Variants in MAPK4 observed in about 807,000 individuals in gnomAD.
MAPK4 encodes the protein Erk3-related.
Under a neutral mutation model 47.7 loss-of-function variants are expected in MAPK4, and 22 were observed. The observed-to-expected ratio is 0.46, with a 90% CI of 0.33 to 0.66. The LOEUF (loss-of-function observed/expected upper bound fraction) is 0.66, where lower values mean the gene tolerates loss of function less well. Among genes scored for constraint, MAPK4 ranks in the 30% least tolerant of loss-of-function variants. The pLI is 0.02. For missense variants in MAPK4, 736 were observed against 831.7 expected (o/e 0.88, Z 1.42); for synonymous variants, 390 against 365.7 (o/e 1.07, Z -0.76).
intron 1 of MAPK4, among the ~76,000 whole-genome samples, chr18:50,654,746 C>T (rs2043088873): frequency 6.6e-6 from 1 of 152,214 alleles, no homozygotes. Context: ...TGCCCGTGGC[C>T]ACCGGCTCCC....
At chr18:50,669,635 A>G (rs1907807393) in intron 2 of MAPK4, 1 of 152,222 alleles carries the variant, frequency 6.6e-6, no homozygotes, top group African/African-American at 2.4e-5. Flanking sequence ...ATTTACAGTA[A>G]AGCTAGCCCT....
chr18:50,715,042 A>C, intron 2 of MAPK4, 37 bp from the exon 3 acceptor site: 1 of 1,607,048 alleles, frequency 6.2e-7, no homozygotes, highest in Middle Eastern at 1.7e-4. Flanking sequence ...GTATCCAAAA[A>C]TGACTGATCA....
Position 50,730,518 on chromosome 18 carries a change from T to C in MAPK4, c.*664T>C, listed in dbSNP as rs3288. The stretch of plus-strand genomic sequence containing the variant: ...GTTTCTCCTAGTCACCAAGCATACT[T>C]TCCTGGCTCCCCAAGTACTTAAATG... On this transcript the variant is annotated 3_prime_UTR_variant, in exon 6 of 6. Transcript: ENST00000400384. 0.17 allele frequency: 26,138 copies of C among 152,614 alleles called. 2,368 individuals carry two copies. Among genetic ancestry groups the C allele is most frequent in the South Asian group, 0.23 (1,094 of 4,824 alleles). The allele number at this position is 152,614 out of a possible 1,614,324, so 9.5% of individuals were successfully genotyped here. A position where few individuals can be genotyped will look rare whatever the true frequency, so the allele number is the denominator to read the frequency against.
intron 1 of MAPK4, among the ~76,000 whole-genome samples, chr18:50,647,889 G>A (rs971631050): frequency 6.6e-6 from 1 of 152,034 alleles, no homozygotes; most frequent in African/African-American, 2.4e-5. Flanking sequence ...GCACCTTTAT[G>A]ACTCACTTCC....
intron 1 of MAPK4, among the ~76,000 whole-genome samples, chr18:50,582,709 C>T (rs1483256687): frequency 6.6e-6 from 1 of 152,240 alleles, no homozygotes; most frequent in Non-Finnish European, 1.5e-5. Flanking sequence ...TTGGCTTGTG[C>T]CCTGGCCCAG....
chr18:50,672,962 C>T (rs1908039194), intron 2 of MAPK4, among the ~76,000 whole-genome samples: 1 of 152,216 alleles, frequency 6.6e-6, no homozygotes. Flanking sequence ...TGGCTGTCCA[C>T]TAGGGGTAAG....
intron 2 of MAPK4, among the ~76,000 whole-genome samples, chr18:50,673,827 G>A (rs959503299): frequency 1.3e-5 from 2 of 152,192 alleles, no homozygotes; most frequent in African/African-American, 4.8e-5. Flanking sequence ...CTGCACTCCA[G>A]CCTGGGCGAC....
chr18:50,643,388 C>T (rs2042957630), intron 1 of MAPK4, among the ~76,000 whole-genome samples: 1 of 152,208 alleles, frequency 6.6e-6, no homozygotes, highest in African/African-American at 2.4e-5. Context: ...CATGGTGGTG[C>T]ACACTTGTAA....
Position 50,664,428 on chromosome 18 carries a change from T to A in MAPK4, c.470T>A (p.Ile157Asn). 2 of 1,614,132 alleles carry A rather than the reference T, an allele frequency of 1.2e-6. No individual in the cohort carries two copies. Among genetic ancestry groups the A allele is most frequent in the Non-Finnish European group, 1.7e-6 (2 of 1,180,012 alleles). ...HRDLKPANIF[I>N]STEDLVLKIG... Reference sequence around the variant, plus strand: ...GACCTGAAGCCCGCCAACATCTTCATCAGCACAGAGGACCTCGTGCTCAAG... The same window carrying A: ...GACCTGAAGCCCGCCAACATCTTCAACAGCACAGAGGACCTCGTGCTCAAG... Residue 157 changes from isoleucine to asparagine, a missense_variant, in exon 2 of 6, where the codon ATC becomes AAC. Ile to Asn is a moderately radical substitution (Grantham distance 149, BLOSUM62 -3). Around this residue, in one of 3 missense-constraint regions of MAPK4, gnomAD observed 327 missense variants for 395.4 expected, o/e 0.83. Transcript: ENST00000400384. The surrounding 1 kb of genome is among the most constrained non-coding windows in gnomAD (Gnocchi z 6.0).
chr18:50,652,178 C>T (rs1053755628), intron 1 of MAPK4, among the ~76,000 whole-genome samples: 2 of 152,230 alleles, frequency 1.3e-5, no homozygotes, highest in African/African-American at 4.8e-5. Context: ...GGCCTCCTGG[C>T]TCCCTGGCTT....
chr18:50,662,276 G>T (rs960145513), intron 1 of MAPK4, among the ~76,000 whole-genome samples: 2 of 152,206 alleles, frequency 1.3e-5, no homozygotes, highest in Admixed American at 6.5e-5. Flanking sequence ...TTACTTCAGA[G>T]ATCTGAATTT....
chr18:50,700,987 C>T (rs1909755731), intron 2 of MAPK4, among the ~76,000 whole-genome samples: 1 of 152,172 alleles, frequency 6.6e-6, no homozygotes, highest in Non-Finnish European at 1.5e-5. Context: ...GCTCCCCCTG[C>T]AGCCATGCCC....
chr18:50,618,910 C>G (rs947211862), intron 1 of MAPK4, among the ~76,000 whole-genome samples: 1 of 152,046 alleles, frequency 6.6e-6, no homozygotes, highest in Non-Finnish European at 1.5e-5. Context: ...GGTAAACACT[C>G]AAGCCCTCCA....
chr18:50,648,479 A>G (rs2043012838), intron 1 of MAPK4, among the ~76,000 whole-genome samples: 1 of 152,156 alleles, frequency 6.6e-6, no homozygotes, highest in Non-Finnish European at 1.5e-5. Context: ...ATGAATAGAT[A>G]TGTTTTAGGA....
chr18:50,664,283 G>A lies in MAPK4; in HGVS notation c.325G>A (p.Glu109Lys), dbSNP rs757891465. The change falls in exon 2 of 6, where the codon GAG (glutamate) becomes AAG (lysine). Residue 109 changes from glutamate (E) to lysine (K), a missense_variant. Glu to Lys is a moderately conservative substitution (Grantham distance 56). Around this residue, in one of 3 missense-constraint regions of MAPK4, gnomAD observed 327 missense variants for 395.4 expected, o/e 0.83. Transcript: ENST00000400384. The surrounding 1 kb of genome is among the most constrained non-coding windows in gnomAD (Gnocchi z 6.0). ...SVAYIVQEYM[E>K]TDLARLLEQG... ...GGCGTACATCGTCCAGGAGTACATG[G>A]AGACCGACCTGGCACGCCTGCTGGA... 5 of 1,613,574 alleles carry A rather than the reference G, an allele frequency of 3.1e-6. No homozygotes were observed. Among genetic ancestry groups the A allele is most frequent in the Non-Finnish European group, 4.2e-6 (5 of 1,179,750 alleles).
rs1911576581 is a variant in MAPK4 at position 50,731,766 on chromosome 18, T to A, written c.*1912T>A. The A allele has an allele frequency of 6.6e-6, 1 of 152,228 alleles. No homozygotes were observed. Among genetic ancestry groups the A allele is most frequent in the South Asian group, 2.1e-4 (1 of 4,824 alleles). 9.4% of individuals were successfully genotyped at this position (152,228 alleles called of 1,614,324 possible). A position where few individuals can be genotyped will look rare whatever the true frequency, so the allele number is the denominator to read the frequency against. On this transcript the variant is annotated 3_prime_UTR_variant, in exon 6 of 6. Coordinates refer to ENST00000400384, the MANE Select transcript of MAPK4 (RefSeq NM_002747.4). ...TATAACTACTAATGTTTTTAAAAAA[T>A]TTATTAAACATTATTAAACTTGATC...
chr18:50,675,975 G>A (rs547789177), intron 2 of MAPK4, among the ~76,000 whole-genome samples: 1 of 152,344 alleles, frequency 6.6e-6, no homozygotes, highest in South Asian at 2.1e-4. Context: ...CACAGCATCA[G>A]TGGGGATGCG....
At chr18:50,607,564 G>A (rs538444732) in intron 1 of MAPK4, among the ~76,000 whole-genome samples, 1 of 152,316 alleles carries the variant, frequency 6.6e-6, no homozygotes, top group African/African-American at 2.4e-5. Flanking sequence ...GCGCTGCTCT[G>A]AGCAGTGGAG....
rs1911464802 is a variant in MAPK4, at chr18:50,729,910, G to A, written c.*56G>A. On this transcript the variant is annotated 3_prime_UTR_variant, in exon 6 of 6. Transcript: ENST00000400384. ...GCAGGAGACCCCCAGAGAAAGCCGGGGCTGGCAGGAGGCGGCCGCCCTTCC... is the reference window on the plus strand; with the variant it reads ...GCAGGAGACCCCCAGAGAAAGCCGGAGCTGGCAGGAGGCGGCCGCCCTTCC... The A allele has an allele frequency of 2.7e-6, 4 of 1,481,002 alleles. No homozygotes were observed. The highest frequency in any genetic ancestry group is 3.6e-6 in the Non-Finnish European group (4 of 1,109,004). The allele number at this position is 1,481,002 out of a possible 1,614,324, so 91.7% of individuals were successfully genotyped here.
Sources: allele counts gnomAD v4.1 joint callset (sites outside exome capture counted in the v4.1 genomes callset), GRCh38; gene constraint gnomAD v4.1.1; regional missense constraint gnomAD v4.1.1; non-coding constraint Gnocchi (gnomAD v3.1); transcripts MANE v1.5; gene names NCBI Gene and HGNC (gene_info 2026-07-23, HGNC 2026-07-21).